Variants in OTOGL observed in about 807,000 individuals in gnomAD.
The protein encoded by OTOGL is otogelin-like protein.
OTOGL carries 285 observed loss-of-function variants against 318.5 expected under a neutral mutation model. The observed-to-expected ratio is 0.89, with a 90% CI of 0.81 to 0.99. The LOEUF (loss-of-function observed/expected upper bound fraction) is 0.99. Ranked by LOEUF, OTOGL falls within the 50% of genes least tolerant of loss-of-function variation. The pLI, the probability that OTOGL is intolerant of heterozygous loss-of-function variation, is 0.00. For missense variants in OTOGL, 2,899 were observed against 2,845.6 expected (o/e 1.02, Z -0.43); for synonymous variants, 987 against 936.5 (o/e 1.05, Z -0.99).
intron 1 of OTOGL, among the ~76,000 whole-genome samples, chr12:80,173,016 T>C (rs1052585362): frequency 6.6e-6 from 1 of 152,138 alleles, no homozygotes. Flanking sequence ...GGATGTTCTG[T>C]GCAGCAAACC....
intron 5 of OTOGL, 146 bp from the exon 6 acceptor site, chr12:80,219,668 A>G (rs1281653670): frequency 1.4e-5 from 9 of 657,370 alleles, no homozygotes. Context: ...TGTTGGGTTT[A>G]GTTCTTTAGC....
intron 26 of OTOGL, among the ~76,000 whole-genome samples, chr12:80,294,200 G>A (rs1885231470): frequency 6.6e-6 from 1 of 151,966 alleles, no homozygotes. Context: ...GAAATGGAAA[G>A]TATAGAAATG....
chr12:80,258,086 A>G, intron 18 of OTOGL, 84 bp downstream of exon 18: 1 of 1,212,880 alleles, frequency 8.2e-7, no homozygotes, highest in South Asian at 1.9e-5. Flanking sequence ...TTACTTAACT[A>G]ATAATTGCTT....
At position 80,222,132 on chromosome 12, in the gene OTOGL, T is replaced by C; in HGVS notation, c.376T>C (p.Trp126Arg). The change falls in exon 7 of 59, where the codon TGG (tryptophan) becomes CGG (arginine). Residue 126 changes from tryptophan (W) to arginine (R), a missense_variant. Transcript: ENST00000547103. ...GNGRDGICKT[W>R]GQYHFETFDG... The stretch of plus-strand genomic sequence containing the variant: ...CGGCAGAGATGGGATTTGTAAAACC[T>C]GGGGACAGTATCATTTTGAAACATT... The C allele has an allele frequency of 1.3e-6, 2 of 1,598,584 alleles. No individual in the cohort carries two copies. The highest frequency in any genetic ancestry group is 1.7e-6 in the Non-Finnish European group (2 of 1,179,044).
chr12:80,356,251 C>T (rs1889891549), intron 47 of OTOGL, 165 bp from the exon 48 acceptor site: 1 of 614,630 alleles, frequency 1.6e-6, no homozygotes, highest in Non-Finnish European at 2.8e-6. Flanking sequence ...CATATATGGC[C>T]CACTTTGTTA....
At chr12:80,350,984 A>G (rs1170203282) in intron 44 of OTOGL, among the ~76,000 whole-genome samples, 2 of 152,132 alleles carry the variant, frequency 1.3e-5, no homozygotes, top group Admixed American at 1.3e-4. Flanking sequence ...TGCTCAAACC[A>G]GTGTCCTAGA....
At chr12:80,365,176 C>T (rs1401172456) in intron 52 of OTOGL, among the ~76,000 whole-genome samples, 2 of 151,990 alleles carry the variant, frequency 1.3e-5, no homozygotes, top group East Asian at 3.9e-4. Flanking sequence ...GAAATGAAAA[C>T]ATATGTCCAC....
chr12:80,283,773 C>A (rs930288081), intron 26 of OTOGL, among the ~76,000 whole-genome samples: 1 of 151,984 alleles, frequency 6.6e-6, no homozygotes, highest in African/African-American at 2.4e-5. Flanking sequence ...CTTCTTAAAC[C>A]TTAGTGTGCA....
chr12:80,177,008 C>T (rs554756293), intron 1 of OTOGL, among the ~76,000 whole-genome samples: 58 of 151,848 alleles, frequency 3.8e-4, no homozygotes, highest in African/African-American at 1.4e-3. Flanking sequence ...TTTTGTTTTT[C>T]CTATTTTAAA....
chr12:80,204,115 T>C lies in OTOGL; in HGVS notation c.-19-5298T>C, dbSNP rs548933687. Among the ~76,000 whole-genome samples the C allele has an allele frequency of 3.9e-5, 6 of 152,314 alleles. No individual in the cohort carries two copies. The South Asian group carries it at 1.2e-3, about 32-fold the overall frequency. ...ACGCTGGGGGTATGGGAAGAGGTCA[T>C]GTCAAGATAAAGGGGAAACCTTTTT... is the stretch of plus-strand genomic sequence containing the variant. On this transcript the variant is annotated intron_variant, in intron 1 of 58. Coordinates refer to ENST00000547103, the MANE Select transcript of OTOGL (RefSeq NM_001378609.3).
In OTOGL at chr12:80,233,063, T is replaced by G; in HGVS notation, c.783T>G (p.Asn261Lys). 6.3e-7 allele frequency: 1 copy of G among 1,597,250 alleles called. No homozygotes were observed. Among genetic ancestry groups the G allele is most frequent in the Non-Finnish European group, 8.5e-7 (1 of 1,177,798 alleles). ...CATGTGGCCTATGTGGAAACTACAA[T>G]GACATTCAATCTGATGATTTCATAA... The part of the protein sequence containing the change: ...GKSCGLCGNY[N>K]DIQSDDFIIL... Residue 261 changes from asparagine to lysine, a missense_variant, in exon 9 of 59, where the codon AAT (asparagine) becomes AAG (lysine). Asn to Lys is a moderately conservative substitution (Grantham distance 94). This residue lies in a region of OTOGL where 2,607 missense variants were observed against 2,524.9 expected (regional missense o/e 1.03). Coordinates refer to ENST00000547103, the MANE Select transcript of OTOGL (RefSeq NM_001378609.3).
chr12:80,201,282 C>T (rs1208686469), intron 1 of OTOGL, among the ~76,000 whole-genome samples: 1 of 152,160 alleles, frequency 6.6e-6, no homozygotes, highest in African/African-American at 2.4e-5. Flanking sequence ...GCTTATTTCG[C>T]TCTTGGTTTT....
chr12:80,129,373 A>G (rs998919583), intron 1 of OTOGL, among the ~76,000 whole-genome samples: 2 of 152,160 alleles, frequency 1.3e-5, no homozygotes, highest in Non-Finnish European at 2.9e-5. Context: ...TGTTTTAGTC[A>G]TATTTTTCTA....
chr12:80,140,974 T>C (rs540749201), intron 1 of OTOGL, among the ~76,000 whole-genome samples: 7 of 152,162 alleles, frequency 4.6e-5, no homozygotes, highest in Non-Finnish European at 1.0e-4. Context: ...TTCAGAAAAG[T>C]AGTGAACAAA....
intron 32 of OTOGL, among the ~76,000 whole-genome samples, chr12:80,316,580 A>G (rs893547053): frequency 1.3e-5 from 2 of 152,172 alleles, no homozygotes; most frequent in African/African-American, 4.8e-5. Flanking sequence ...ATAATATCAG[A>G]GCATGAACAT....
At position 80,328,692 on chromosome 12, in the gene OTOGL, T is replaced by C. The variant is rs1370836959; in HGVS notation, c.4227T>C (p.Pro1409=). ...TTGAAGGATGCTTGCCCTACTGCCC[T>C]AAAAATATGATCCTTGATGAGGTCA... ...PPVEGCLPYC[P]KNMILDEVTL... The change falls in exon 36 of 59, where the codon CCT becomes CCC. Residue 1409 remains proline, a synonymous_variant. Coordinates refer to ENST00000547103, the MANE Select transcript of OTOGL (RefSeq NM_001378609.3). 2.5e-6 allele frequency: 4 copies of C among 1,606,344 alleles called. No homozygotes were observed. The highest frequency in any genetic ancestry group is 3.4e-6 in the Non-Finnish European group (4 of 1,173,080).
At chr12:80,283,215 CT>C (rs1884365019) in intron 26 of OTOGL, among the ~76,000 whole-genome samples, 1 of 151,928 alleles carries the variant, frequency 6.6e-6, no homozygotes, top group African/African-American at 2.4e-5. Context: ...TTCTATTTAT[CT>C]TTCTGAGACT....
Position 80,296,847 on chromosome 12 carries a change from A to T in OTOGL, c.2949A>T (p.Ile983=), listed in dbSNP as rs1156282424. The change falls in exon 27 of 59, where the codon ATA becomes ATT. Residue 983 remains isoleucine (I), a synonymous_variant. Coordinates refer to ENST00000547103, the MANE Select transcript of OTOGL (RefSeq NM_001378609.3). ...TTCAGAGTGCAGATGATTCAGATAT[A>T]TCTGTCATTGCCCAGAACAAGAAAT... is the stretch of plus-strand genomic sequence containing the variant. The part of the protein sequence containing the change: ...FLIKSADDSD[I]SVIAQNKKCF... 4 of 1,514,884 alleles carry T rather than the reference A, an allele frequency of 2.6e-6. No homozygotes were observed. Among genetic ancestry groups the T allele is most frequent in the Non-Finnish European group, 3.5e-6 (4 of 1,129,614 alleles). The allele number at this position is 1,514,884 out of a possible 1,614,324, so 93.8% of individuals were successfully genotyped here. A position where few individuals can be genotyped will look rare whatever the true frequency, so the allele number is the denominator to read the frequency against.
intron 1 of OTOGL, among the ~76,000 whole-genome samples, chr12:80,108,936 G>GTGTGTATATA (rs1555268621): frequency 7.8e-6 from 1 of 128,242 alleles, no homozygotes; most frequent in African/African-American, 3.2e-5. Context: ...ATATGTGTGT[G>GTGTGTATATA]TATATATATA....
Sources: allele counts gnomAD v4.1 joint callset (sites outside exome capture counted in the v4.1 genomes callset), GRCh38; gene constraint gnomAD v4.1.1; regional missense constraint gnomAD v4.1.1; transcripts MANE v1.5; gene names NCBI Gene and HGNC (gene_info 2026-07-23, HGNC 2026-07-21).